SPOCK3: variants seen among roughly 807,000 people sequenced by gnomAD.
The protein encoded by SPOCK3 is testican-3.
Under a neutral mutation model 56.6 loss-of-function variants are expected in SPOCK3, and 30 were observed. That is an observed-to-expected ratio of 0.53 (90% CI 0.40 to 0.72). The LOEUF (loss-of-function observed/expected upper bound fraction) is 0.72. SPOCK3 is among the 30% of genes least tolerant of loss of function. The pLI is 0.00. For synonymous variants in SPOCK3, 196 were observed against 183.3 expected (o/e 1.07, Z -0.56); for missense variants, 527 against 530.0 (o/e 0.99, Z 0.06).
At chr4:166,785,895 G>A (rs565794248) in intron 7 of SPOCK3, among the ~76,000 whole-genome samples, 360 of 152,144 alleles carry the variant, frequency 2.4e-3, no homozygotes, top group Non-Finnish European at 4.2e-3. Context: ...TGGTTTGTTC[G>A]TTCAACAAAT....
chr4:166,839,011 A>T (rs1004482219), intron 6 of SPOCK3, among the ~76,000 whole-genome samples: 2 of 151,884 alleles, frequency 1.3e-5, no homozygotes, highest in Non-Finnish European at 2.9e-5. Context: ...TCTTATGAGG[A>T]TTAGTGTCTG....
At chr4:166,750,222 G>A (rs764294399) in intron 8 of SPOCK3, among the ~76,000 whole-genome samples, 1 of 152,080 alleles carries the variant, frequency 6.6e-6, no homozygotes, top group Admixed American at 6.6e-5. Context: ...TATTCTTAGA[G>A]CACTTAACTG....
At chr4:167,149,231 C>G (rs1355523858) in intron 2 of SPOCK3, among the ~76,000 whole-genome samples, 1 of 152,040 alleles carries the variant, frequency 6.6e-6, no homozygotes, top group East Asian at 1.9e-4. Context: ...TATATATGGT[C>G]TACTATGATA....
At chr4:166,879,018 G>T (rs937174226) in intron 6 of SPOCK3, among the ~76,000 whole-genome samples, 1 of 151,978 alleles carries the variant, frequency 6.6e-6, no homozygotes, top group Non-Finnish European at 1.5e-5. Context: ...CTTTAAAATG[G>T]CTATGGATTT....
intron 2 of SPOCK3, among the ~76,000 whole-genome samples, chr4:167,233,056 C>G (rs969782271): frequency 9.9e-5 from 15 of 152,168 alleles, no homozygotes; most frequent in Non-Finnish European, 5.9e-5. Flanking sequence ...TCAGGCCTTC[C>G]GCGTTTTAAA....
At chr4:166,845,784 C>T (rs1449626471) in intron 6 of SPOCK3, among the ~76,000 whole-genome samples, 1 of 152,080 alleles carries the variant, frequency 6.6e-6, no homozygotes, top group Non-Finnish European at 1.5e-5. Flanking sequence ...CTTTAAGATG[C>T]AATAAAATTA....
chr4:166,841,191 C>T (rs1560916944), intron 6 of SPOCK3, among the ~76,000 whole-genome samples: 4 of 152,016 alleles, frequency 2.6e-5, no homozygotes, highest in Admixed American at 6.6e-5. Context: ...GACATAAACA[C>T]GCTAGAAACG....
intron 5 of SPOCK3, among the ~76,000 whole-genome samples, chr4:166,904,097 ATAT>A (rs1415804833): frequency 6.6e-6 from 1 of 151,734 alleles, no homozygotes; most frequent in Non-Finnish European, 1.5e-5. Context: ...TCATTTTATT[ATAT>A]TATTACTTTT....
chr4:166,980,724 G>A (rs1453740892), intron 4 of SPOCK3, among the ~76,000 whole-genome samples: 2 of 152,244 alleles, frequency 1.3e-5, no homozygotes, highest in Non-Finnish European at 2.9e-5. Context: ...GGCTGGATCA[G>A]ATGTACCGCA....
chr4:166,735,236 T>C (rs967202183), intron 10 of SPOCK3, 146 bp from the exon 11 acceptor site: 5 of 596,006 alleles, frequency 8.4e-6, no homozygotes, highest in Non-Finnish European at 1.4e-5. Context: ...AAAGATCCAT[T>C]TTCTGGAAAA....
intron 2 of SPOCK3, among the ~76,000 whole-genome samples, chr4:167,070,772 C>T (rs576579950): frequency 1.3e-5 from 2 of 152,004 alleles, no homozygotes; most frequent in East Asian, 3.9e-4. Flanking sequence ...AAAGAGGAAA[C>T]TTTCCTGTGT....
At chr4:166,813,333 C>G (rs1744036028) in intron 6 of SPOCK3, among the ~76,000 whole-genome samples, 1 of 151,986 alleles carries the variant, frequency 6.6e-6, no homozygotes, top group African/African-American at 2.4e-5. Flanking sequence ...CCCCGAGATT[C>G]AAATCTGAAG....
At position 167,170,506 on chromosome 4, in the gene SPOCK3, T is replaced by C. The variant is rs557675690; in HGVS notation, c.189+63479A>G. On this transcript the variant is annotated intron_variant, in intron 2 of 10. Transcript: ENST00000357545. ...TGAATGGGAAAGGCACTAATCTAGA[T>C]ACTTTACTTGTATTAACTCATTAAA... Among the ~76,000 whole-genome samples, 13 of 152,274 alleles carry C rather than the reference T, an allele frequency of 8.5e-5. No homozygotes were observed. The South Asian group carries it at 2.5e-3, about 29-fold the overall frequency.
intron 2 of SPOCK3, among the ~76,000 whole-genome samples, chr4:167,140,927 T>C (rs1763478109): frequency 6.6e-6 from 1 of 152,044 alleles, no homozygotes; most frequent in South Asian, 2.1e-4. Context: ...CCCATGTTCA[T>C]GTGCACATTG....
At chr4:166,840,244 C>T (rs571485848) in intron 6 of SPOCK3, among the ~76,000 whole-genome samples, 13 of 152,018 alleles carry the variant, frequency 8.6e-5, no homozygotes. Flanking sequence ...TTCCAGCTCC[C>T]TACACAGCAT....
At chr4:166,883,105 C>A (rs1733839366) in intron 6 of SPOCK3, 2 of 152,102 alleles carry the variant, frequency 1.3e-5, no homozygotes, top group African/African-American at 4.8e-5. Context: ...AAAATTCCAT[C>A]ATACAAAATT....
chr4:166,962,371 G>GT lies in SPOCK3; in HGVS notation c.350+37977dup, dbSNP rs1180263304. On this transcript the variant is annotated intron_variant, in intron 4 of 10. Coordinates refer to ENST00000357545, the MANE Select transcript of SPOCK3 (RefSeq NM_001040159.2). Reference sequence around the variant, plus strand: ...TGGCCCTTATTATGTCACCCTGGGGGTATTGGGGCCCAGGGAACTTGTAGA... The same window carrying GT: ...TGGCCCTTATTATGTCACCCTGGGGGTTATTGGGGCCCAGGGAACTTGTAGA... Among the ~76,000 whole-genome samples the GT allele has an allele frequency of 2.0e-5, 3 of 152,066 alleles. No individual in the cohort carries two copies. In the East Asian group the frequency reaches 5.8e-4, roughly 29 times the overall value.
chr4:167,206,607 T>G (rs1734361145), intron 2 of SPOCK3, among the ~76,000 whole-genome samples: 1 of 152,110 alleles, frequency 6.6e-6, no homozygotes, highest in East Asian at 1.9e-4. Flanking sequence ...TGAGGAAAAC[T>G]AAATATTTAC....
chr4:166,953,442 C>A (rs371091803), intron 4 of SPOCK3, among the ~76,000 whole-genome samples: 3 of 151,052 alleles, frequency 2.0e-5, no homozygotes, highest in Admixed American at 6.6e-5. Context: ...ACAACAGGTG[C>A]TGGAGAGGAT....
Sources: allele counts gnomAD v4.1 joint callset (sites outside exome capture counted in the v4.1 genomes callset), GRCh38; gene constraint gnomAD v4.1.1; transcripts MANE v1.5; gene names NCBI Gene and HGNC (gene_info 2026-07-23, HGNC 2026-07-21).